The following PCDHA5 variants were observed in gnomAD, a reference collection of about 807,000 sequenced individuals.
PCDHA5 encodes protocadherin alpha 5.
In PCDHA5, 43 loss-of-function variants were observed where a neutral mutation model predicts 61.6. That is an observed-to-expected ratio of 0.70 (90% CI 0.55 to 0.90). The LOEUF is 0.90. PCDHA5 is among the 40% of genes least tolerant of loss of function. PCDHA5 has a pLI of 0.00. For synonymous variants in PCDHA5, 627 were observed against 543.9 expected (o/e 1.15, Z -2.13); for missense variants, 1,298 against 1,222.7 (o/e 1.06, Z -0.92).
In PCDHA5 at chr5:140,823,280, C is replaced by A. The variant is rs150026852; in HGVS notation, c.1505C>A (p.Pro502Gln). ...SLVERRVGER[P>Q]LSSYVSVHAE... ...GTGGAGCGGCGGGTGGGCGAGCGCC[C>A]GCTGTCGAGTTACGTTTCGGTGCAC... The change falls in exon 1 of 4, where the codon CCG (proline) becomes CAG (glutamine). Residue 502 changes from proline to glutamine, a missense_variant. Transcript: ENST00000529859. 6.2e-7 allele frequency: 1 copy of A among 1,612,332 alleles called. No individual in the cohort carries two copies. The highest frequency in any genetic ancestry group is 1.3e-5 in the African/African-American group (1 of 74,902).
rs898079440 is a variant in PCDHA5, at chr5:140,897,263, A to T, written c.2352+73136A>T. Among the ~76,000 whole-genome samples, 4 of 151,888 alleles carry T rather than the reference A, an allele frequency of 2.6e-5. No individual in the cohort carries two copies. The South Asian group carries it at 6.2e-4, about 24-fold the overall frequency. On this transcript the variant is annotated intron_variant, in intron 1 of 3. Transcript: ENST00000529859. Reference sequence around the variant, plus strand: ...TTAGTTACATATGTATACATGTGCCATGCTGGTGTGCTGCACCCATTAACT... The same window carrying T: ...TTAGTTACATATGTATACATGTGCCTTGCTGGTGTGCTGCACCCATTAACT...
chr5:141,009,938 G>T lies in PCDHA5; in HGVS notation c.*1G>T, dbSNP rs781826815. The T allele has an allele frequency of 6.6e-5, 106 of 1,600,570 alleles. No individual in the cohort carries two copies. The highest frequency in any genetic ancestry group is 8.9e-5 in the Non-Finnish European group (105 of 1,175,516). ...CACGACTGACAACAGTGACCAGTGA[G>T]GTCCTCAAATGGAAACAAGCCACTT... On this transcript the variant is annotated 3_prime_UTR_variant, in exon 4 of 4. Coordinates refer to ENST00000529859, the MANE Select transcript of PCDHA5 (RefSeq NM_018908.3).
intron 1 of PCDHA5, among the ~76,000 whole-genome samples, chr5:140,965,230 C>T (rs2095881666): frequency 6.6e-6 from 1 of 152,126 alleles, no homozygotes; most frequent in Non-Finnish European, 1.5e-5. Flanking sequence ...ATGTGAGAAC[C>T]TGGGAAGAGT....
intron 1 of PCDHA5, among the ~76,000 whole-genome samples, chr5:140,949,308 G>T (rs1323575169): frequency 6.6e-6 from 1 of 151,722 alleles, no homozygotes; most frequent in African/African-American, 2.4e-5. Flanking sequence ...TGGGTGTAAT[G>T]ATTTATAAAT....
intron 1 of PCDHA5, chr5:140,849,943 ACG>A (rs2041244627): frequency 1.3e-6 from 2 of 1,597,782 alleles, no homozygotes; most frequent in Admixed American, 1.7e-5. Context: ...CGGGACGCTG[ACG>A]CGCAGGAGAA....
intron 1 of PCDHA5, among the ~76,000 whole-genome samples, chr5:140,954,414 G>A (rs1322356989): frequency 1.3e-5 from 2 of 152,010 alleles, no homozygotes; most frequent in Non-Finnish European, 2.9e-5. Flanking sequence ...GGGTAAAGGT[G>A]TTCCTTTTTC....
chr5:140,883,761 G>C, intron 1 of PCDHA5: 1 of 1,612,908 alleles, frequency 6.2e-7, no homozygotes, highest in Non-Finnish European at 8.5e-7. Flanking sequence ...GTGGAGCGGC[G>C]GGTGGGCGAG....
intron 1 of PCDHA5, among the ~76,000 whole-genome samples, chr5:140,944,577 C>G (rs2093670906): frequency 6.6e-6 from 1 of 152,270 alleles, no homozygotes; most frequent in Admixed American, 6.5e-5. Flanking sequence ...CTGTAGAGAT[C>G]ACTTCAGAAT....
intron 1 of PCDHA5, among the ~76,000 whole-genome samples, chr5:140,954,639 T>A (rs1433862413): frequency 6.6e-6 from 1 of 152,240 alleles, no homozygotes; most frequent in East Asian, 1.9e-4. Flanking sequence ...TCTTGTAAAT[T>A]TGTTTAAGTT....
chr5:140,978,061 A>G (rs1307101965), intron 1 of PCDHA5, among the ~76,000 whole-genome samples: 1 of 152,202 alleles, frequency 6.6e-6, no homozygotes, highest in Non-Finnish European at 1.5e-5. Flanking sequence ...ATGATGTCCC[A>G]GTGATTTCTG....
In PCDHA5 at chr5:140,987,930, G is replaced by T. The variant is rs554856826; in HGVS notation, c.2500+5367G>T. Among the ~76,000 whole-genome samples, 18 of 152,196 alleles carry T rather than the reference G, an allele frequency of 1.2e-4. No individual in the cohort carries two copies. The South Asian group carries it at 2.1e-3, about 18-fold the overall frequency. Reference sequence around the variant, plus strand: ...GATTTATATTCTTAATTGTCTCAAGGATTCTTACCTGTCTGACAAAACCAA... The same window carrying T: ...GATTTATATTCTTAATTGTCTCAAGTATTCTTACCTGTCTGACAAAACCAA... On this transcript the variant is annotated intron_variant, in intron 3 of 3. Transcript: ENST00000529859.
At chr5:140,927,808 T>C (rs782535814) in intron 1 of PCDHA5, 116 of 1,614,090 alleles carry the variant, frequency 7.2e-5, no homozygotes, top group Non-Finnish European at 9.6e-5. Context: ...TGAAACGCTC[T>C]TGGAGGCATA....
At chr5:140,902,103 A>AT (rs1435105079) in intron 1 of PCDHA5, among the ~76,000 whole-genome samples, 1 of 151,172 alleles carries the variant, frequency 6.6e-6, no homozygotes, top group Non-Finnish European at 1.5e-5. Context: ...GAGTCTTTAG[A>AT]TTTTTTTAAA....
intron 1 of PCDHA5, chr5:140,867,918 T>C (rs1236326427): frequency 6.6e-6 from 1 of 152,144 alleles, no homozygotes; most frequent in Non-Finnish European, 1.5e-5. Context: ...TAATTAAAAA[T>C]CACTTCCCTT....
chr5:140,879,051 T>A (rs1446827922), intron 1 of PCDHA5, among the ~76,000 whole-genome samples: 1 of 152,166 alleles, frequency 6.6e-6, no homozygotes, highest in Non-Finnish European at 1.5e-5. Flanking sequence ...ATAGACAACA[T>A]TTTACCAAGA....
intron 3 of PCDHA5, among the ~76,000 whole-genome samples, chr5:140,987,524 GT>G (rs1341881093): frequency 6.6e-6 from 1 of 152,144 alleles, no homozygotes; most frequent in Non-Finnish European, 1.5e-5. Flanking sequence ...GTAATTGTAT[GT>G]TCCTGGGACC....
chr5:141,002,399 T>C (rs1352771753), intron 3 of PCDHA5, among the ~76,000 whole-genome samples: 1 of 152,236 alleles, frequency 6.6e-6, no homozygotes, highest in African/African-American at 2.4e-5. Context: ...GGCATCTCTG[T>C]GCCTCCCAAA....
intron 1 of PCDHA5, among the ~76,000 whole-genome samples, chr5:140,936,092 C>T (rs941947685): frequency 1.3e-5 from 2 of 152,034 alleles, no homozygotes; most frequent in Admixed American, 6.6e-5. Context: ...AGGGTTTCAC[C>T]ATGTTGGCCA....
intron 1 of PCDHA5, chr5:140,876,390 T>C (rs782772987): frequency 1.2e-6 from 2 of 1,613,902 alleles, no homozygotes; most frequent in African/African-American, 1.3e-5. Context: ...GAATTTATGG[T>C]GAACTGGATT....
Sources: gnomAD v4.1 joint callset for allele counts (sites outside exome capture counted in the v4.1 genomes callset) on GRCh38, gnomAD v4.1.1 for gene constraint, MANE v1.5 for transcripts, NCBI Gene and HGNC (gene_info 2026-07-23, HGNC 2026-07-21) for gene names.